The following AMOTL1 variants were observed in gnomAD, a reference collection of about 807,000 sequenced individuals.
The protein encoded by AMOTL1 is angiomotin like 1.
Under a neutral mutation model 102.9 loss-of-function variants are expected in AMOTL1, and 45 were observed. The observed-to-expected ratio is 0.44, with a 90% CI of 0.34 to 0.56. The LOEUF is 0.56. Ranked by LOEUF, AMOTL1 falls within the 20% of genes least tolerant of loss-of-function variation. AMOTL1 has a pLI of 0.01. For missense variants in AMOTL1, 1,114 were observed against 1,225.6 expected (o/e 0.91, Z 1.36); for synonymous variants, 481 against 484.7 (o/e 0.99, Z 0.10).
At chr11:94,720,868 G>A (rs576899577) in intron 1 of AMOTL1, among the ~76,000 whole-genome samples, 10 of 152,230 alleles carry the variant, frequency 6.6e-5, no homozygotes, top group East Asian at 1.9e-4. Context: ...GAGGGTGTGC[G>A]TAAGTTAGTT....
At position 94,872,264 on chromosome 11, in the gene AMOTL1, G is replaced by T. The variant is rs555277957; in HGVS notation, c.*1469G>T. 4 of 152,092 alleles carry T rather than the reference G, an allele frequency of 2.6e-5. No individual in the cohort carries two copies. Among genetic ancestry groups the T allele is most frequent in the African/African-American group, 9.7e-5 (4 of 41,352 alleles). 9.4% of individuals were successfully genotyped at this position (152,092 alleles called of 1,614,324 possible). A position where few individuals can be genotyped will look rare whatever the true frequency, so the allele number is the denominator to read the frequency against. ...TACAAATCTAAGAGATGCTGGATTA[G>T]AAAAGAGGAGAAGCTCATCGGGCCA... is the stretch of plus-strand genomic sequence containing the variant. On this transcript the variant is annotated 3_prime_UTR_variant, in exon 13 of 13. Transcript: ENST00000433060.
chr11:94,846,944 T>C (rs1037582824), intron 6 of AMOTL1, among the ~76,000 whole-genome samples: 3 of 152,196 alleles, frequency 2.0e-5, no homozygotes, highest in Non-Finnish European at 2.9e-5. Flanking sequence ...CATGGGAAGA[T>C]ATTGTTACTA....
In AMOTL1 at chr11:94,821,599, C is replaced by T. The variant is rs369400535; in HGVS notation, c.1191C>T (p.Ser397=). ...GCCCCATGTCCTCCCAGACCTCTTCCGCCAGCGGGCCACTGCACTCTGTCT... is the reference window on the plus strand; with the variant it reads ...GCCCCATGTCCTCCCAGACCTCTTCTGCCAGCGGGCCACTGCACTCTGTCT... ...QHSPMSSQTS[S]ASGPLHSVSL... Residue 397 remains serine (S), a synonymous_variant, in exon 4 of 13, where the codon TCC becomes TCT. Coordinates refer to ENST00000433060, the MANE Select transcript of AMOTL1 (RefSeq NM_130847.3). 133 of 1,613,858 alleles carry T rather than the reference C, an allele frequency of 8.2e-5. No homozygotes were observed. The highest frequency in any genetic ancestry group is 7.3e-4 in the Admixed American group (44 of 60,008).
At chr11:94,853,126 T>C (rs1206420027) in intron 7 of AMOTL1, among the ~76,000 whole-genome samples, 1 of 144,986 alleles carries the variant, frequency 6.9e-6, no homozygotes, top group Admixed American at 6.9e-5. Flanking sequence ...TTTAATTCTA[T>C]CTATTTTATG....
intron 4 of AMOTL1, among the ~76,000 whole-genome samples, chr11:94,829,670 C>CT (rs1952036059): frequency 6.6e-6 from 1 of 150,888 alleles, no homozygotes; most frequent in African/African-American, 2.4e-5. Context: ...ATAGTCGTTT[C>CT]TTTTTTTGTA....
intron 5 of AMOTL1, 75 bp downstream of exon 5, chr11:94,830,269 C>T: frequency 7.1e-7 from 1 of 1,412,082 alleles, no homozygotes; most frequent in Non-Finnish European, 9.4e-7. Flanking sequence ...ACTTCAAGGC[C>T]AGAGTGCTTT....
At chr11:94,738,576 T>A (rs1331714608) in intron 2 of AMOTL1, among the ~76,000 whole-genome samples, 2 of 152,186 alleles carry the variant, frequency 1.3e-5, no homozygotes, top group South Asian at 2.1e-4. Flanking sequence ...GCTTCTTCAA[T>A]CATGTTTAGC....
At chr11:94,714,684 T>G (rs948714335) in intron 1 of AMOTL1, among the ~76,000 whole-genome samples, 2 of 152,154 alleles carry the variant, frequency 1.3e-5, no homozygotes, top group African/African-American at 4.8e-5. Flanking sequence ...TATTTCATAT[T>G]ATTCTTTTAA....
In AMOTL1 at chr11:94,875,882, C is replaced by T. The variant is rs975335485; in HGVS notation, c.*5087C>T. On this transcript the variant is annotated 3_prime_UTR_variant, in exon 13 of 13. Coordinates refer to ENST00000433060, the MANE Select transcript of AMOTL1 (RefSeq NM_130847.3). Reference sequence around the variant, plus strand: ...TCCTATGTGTTCACATCTCTGCATACACTACAGATATAAGTGCATAATCAT... The same window carrying T: ...TCCTATGTGTTCACATCTCTGCATATACTACAGATATAAGTGCATAATCAT... 6.6e-6 allele frequency: 1 copy of T among 152,440 alleles called. No homozygotes were observed. The highest frequency in any genetic ancestry group is 2.4e-5 in the African/African-American group (1 of 41,440). The allele number at this position is 152,440 out of a possible 1,614,324, so 9.4% of individuals were successfully genotyped here.
intron 9 of AMOTL1, among the ~76,000 whole-genome samples, chr11:94,863,312 G>T (rs1444231631): frequency 6.6e-6 from 1 of 151,866 alleles, no homozygotes; most frequent in African/African-American, 2.4e-5. Flanking sequence ...AAGTTTTCAG[G>T]CGGGGCGCGG....
At chr11:94,750,835 C>T (rs993464325) in intron 3 of AMOTL1, among the ~76,000 whole-genome samples, 2 of 152,198 alleles carry the variant, frequency 1.3e-5, no homozygotes, top group African/African-American at 4.8e-5. Context: ...CGTTGTTACA[C>T]TTCCCCAAAT....
In AMOTL1 at chr11:94,872,150, G is replaced by A. The variant is rs150534812; in HGVS notation, c.*1355G>A. The A allele has an allele frequency of 8.6e-3, 1,315 of 152,214 alleles. 19 individuals are homozygous for A. Among genetic ancestry groups the A allele is most frequent in the South Asian group, 0.051 (248 of 4,818 alleles). The allele number at this position is 152,214 out of a possible 1,614,324, so 9.4% of individuals were successfully genotyped here. A position where few individuals can be genotyped will look rare whatever the true frequency, so the allele number is the denominator to read the frequency against. ...ATTCAAAGTGAGACAGAAGTGCCAC[G>A]GAAAAGAGGCAGGAGTGTGTTAGGT... On this transcript the variant is annotated 3_prime_UTR_variant, in exon 13 of 13. Transcript: ENST00000433060.
chr11:94,821,346 C>G (rs534143101), intron 3 of AMOTL1, among the ~76,000 whole-genome samples, 184 bp from the exon 4 acceptor site: 1 of 152,196 alleles, frequency 6.6e-6, no homozygotes, highest in Non-Finnish European at 1.5e-5. Flanking sequence ...CTGTCTTGTT[C>G]GCTGTTTCCC....
chr11:94,761,568 T>C (rs1256315676), intron 3 of AMOTL1, among the ~76,000 whole-genome samples: 3 of 152,220 alleles, frequency 2.0e-5, no homozygotes, highest in African/African-American at 7.2e-5. Flanking sequence ...CAATCCATAC[T>C]TTGGACTTTT....
At chr11:94,733,588 A>C (rs902684047) in intron 2 of AMOTL1, among the ~76,000 whole-genome samples, 1 of 152,234 alleles carries the variant, frequency 6.6e-6, no homozygotes, top group Non-Finnish European at 1.5e-5. Context: ...TGCAGCTCTG[A>C]AAGAAGCAAT....
chr11:94,803,758 G>T (rs1435481092), intron 3 of AMOTL1, among the ~76,000 whole-genome samples: 1 of 152,196 alleles, frequency 6.6e-6, no homozygotes, highest in Non-Finnish European at 1.5e-5. Flanking sequence ...TATCAAAGCA[G>T]TTTGGAGTAT....
intron 1 of AMOTL1, among the ~76,000 whole-genome samples, chr11:94,777,331 A>G (rs892796042): frequency 2.0e-5 from 3 of 152,238 alleles, no homozygotes; most frequent in African/African-American, 7.2e-5. Context: ...AAAATGGTGA[A>G]TAAATATACC....
At chr11:94,788,220 C>CT (rs1397729199) in intron 1 of AMOTL1, among the ~76,000 whole-genome samples, 2 of 152,280 alleles carry the variant, frequency 1.3e-5, no homozygotes, top group African/African-American at 4.8e-5. Context: ...ACTTAGGTGA[C>CT]TATCAGGAAG....
intron 6 of AMOTL1, among the ~76,000 whole-genome samples, chr11:94,839,961 T>C (rs1263199560): frequency 1.3e-5 from 2 of 152,252 alleles, no homozygotes; most frequent in African/African-American, 4.8e-5. Context: ...TCTGTGCCTT[T>C]GGCTTTTACA....
Sources: allele counts gnomAD v4.1 joint callset (sites outside exome capture counted in the v4.1 genomes callset), GRCh38; gene constraint gnomAD v4.1.1; transcripts MANE v1.5; gene names NCBI Gene and HGNC (gene_info 2026-07-23, HGNC 2026-07-21).